Variants in NEGR1 observed in about 807,000 individuals in gnomAD.
NEGR1 encodes the protein IgLON family member 4.
Under a neutral mutation model 40.9 loss-of-function variants are expected in NEGR1, and 10 were observed. The observed-to-expected ratio is 0.24, with a 90% CI of 0.15 to 0.42. The LOEUF (loss-of-function observed/expected upper bound fraction) is 0.42, where lower values mean the gene tolerates loss of function less well. Among genes scored for constraint, NEGR1 ranks in the 10% least tolerant of loss-of-function variants. The probability of loss-of-function intolerance (pLI) is 1.00; values close to 1 mark genes in which losing one functional copy is unlikely to be tolerated. For missense variants in NEGR1, 352 were observed against 438.9 expected, an observed-to-expected ratio of 0.80 and a Z score of 1.77; for synonymous variants, 185 against 166.8, an observed-to-expected ratio of 1.11 and a Z score of -0.84.
At chr1:71,793,220 G>A (rs1174033191) in intron 2 of NEGR1, among the ~76,000 whole-genome samples, 1 of 2,962 alleles carries the variant, frequency 3.4e-4, no homozygotes. Flanking sequence ...TTGCTCTGTC[G>A]CCCAGGCTGG....
At chr1:71,554,488 A>G (rs115755187) in intron 6 of NEGR1, among the ~76,000 whole-genome samples, 3,106 of 151,536 alleles carry the variant, frequency 0.02, 54 homozygotes, top group African/African-American at 0.036. Flanking sequence ...GAATTTCTGT[A>G]TTAAGGAAGA....
chr1:71,650,172 A>T (rs1419309815), intron 4 of NEGR1, among the ~76,000 whole-genome samples: 1 of 151,980 alleles, frequency 6.6e-6, no homozygotes, highest in Non-Finnish European at 1.5e-5. Context: ...CTCCACTTAT[A>T]CTCTTAGAGG....
intron 1 of NEGR1, among the ~76,000 whole-genome samples, chr1:71,952,933 T>A (rs1358194448): frequency 6.8e-6 from 1 of 148,038 alleles, no homozygotes; most frequent in East Asian, 2.0e-4. Flanking sequence ...ATATTTTAAG[T>A]CATAGTTAAG....
chr1:72,272,779 A>AC (rs1371827572), intron 1 of NEGR1, among the ~76,000 whole-genome samples: 1 of 151,998 alleles, frequency 6.6e-6, no homozygotes. Flanking sequence ...TGTCCAAATG[A>AC]CTTAGAAAAA....
chr1:71,604,324 CAT>C (rs1297402298), intron 5 of NEGR1, among the ~76,000 whole-genome samples: 1 of 152,004 alleles, frequency 6.6e-6, no homozygotes, highest in African/African-American at 2.4e-5. Flanking sequence ...ATAATTTTGA[CAT>C]AAATAAATTG....
chr1:71,839,819 A>G (rs1342668383), intron 2 of NEGR1, among the ~76,000 whole-genome samples: 2 of 152,146 alleles, frequency 1.3e-5, no homozygotes, highest in African/African-American at 2.4e-5. Context: ...TATTCACTTC[A>G]AAGTGCTTCT....
chr1:72,171,909 T>A (rs1187195203), intron 1 of NEGR1, among the ~76,000 whole-genome samples: 1 of 152,192 alleles, frequency 6.6e-6, no homozygotes, highest in South Asian at 2.1e-4. Context: ...TAAACAGTTG[T>A]TATGTTTGGG....
chr1:71,586,602 T>G (rs1243584174), intron 6 of NEGR1, among the ~76,000 whole-genome samples: 1 of 152,162 alleles, frequency 6.6e-6, no homozygotes, highest in East Asian at 1.9e-4. Flanking sequence ...GGCAATTTGG[T>G]GACCTGGAGC....
intron 1 of NEGR1, among the ~76,000 whole-genome samples, chr1:72,018,202 A>G (rs188957057): frequency 8.5e-4 from 130 of 152,330 alleles, no homozygotes; most frequent in Admixed American, 2.4e-3. Flanking sequence ...TTTAAAAATT[A>G]TGAATGAATA....
At chr1:72,252,873 C>A (rs1225299154) in intron 1 of NEGR1, among the ~76,000 whole-genome samples, 8 of 152,028 alleles carry the variant, frequency 5.3e-5, no homozygotes, top group Non-Finnish European at 1.0e-4. Context: ...CTGAACAGGG[C>A]AAGGTGAAAT....
chr1:71,813,802 A>C (rs1658095752), intron 2 of NEGR1, among the ~76,000 whole-genome samples: 1 of 152,100 alleles, frequency 6.6e-6, no homozygotes, highest in Non-Finnish European at 1.5e-5. Context: ...AAATTTGCTG[A>C]ATTTGCTTAT....
At chr1:71,538,016 G>T (rs1206841779) in intron 6 of NEGR1, among the ~76,000 whole-genome samples, 1 of 151,690 alleles carries the variant, frequency 6.6e-6, no homozygotes, top group African/African-American at 2.4e-5. Context: ...AATGACCTTA[G>T]CAAAGGGATA....
At chr1:71,432,351 G>C (rs4650110) in intron 6 of NEGR1, among the ~76,000 whole-genome samples, 145,868 of 152,310 alleles carry the variant, frequency 0.96, 70,155 homozygotes, top group East Asian at 1. Flanking sequence ...TAATGTTTTG[G>C]TATACTTATA....
At chr1:71,542,791 C>T (rs1259021158) in intron 6 of NEGR1, among the ~76,000 whole-genome samples, 3 of 151,680 alleles carry the variant, frequency 2.0e-5, no homozygotes, top group Non-Finnish European at 4.4e-5. Flanking sequence ...CTTTGCTCCT[C>T]ATAACTCCAT....
At chr1:71,987,957 A>G (rs576615553) in intron 1 of NEGR1, among the ~76,000 whole-genome samples, 11 of 152,346 alleles carry the variant, frequency 7.2e-5, no homozygotes, top group Admixed American at 7.2e-4. Flanking sequence ...TTTAAAAAAA[A>G]TCTTAAGAAA....
chr1:71,568,460 T>A (rs977657136), intron 6 of NEGR1, among the ~76,000 whole-genome samples: 3 of 152,180 alleles, frequency 2.0e-5, no homozygotes, highest in Non-Finnish European at 4.4e-5. Context: ...CCTTGGAGGT[T>A]ATCCATGTGT....
At chr1:71,862,319 C>G (rs1659974583) in intron 2 of NEGR1, among the ~76,000 whole-genome samples, 1 of 152,068 alleles carries the variant, frequency 6.6e-6, no homozygotes, top group African/African-American at 2.4e-5. Flanking sequence ...AACACTTTTT[C>G]TTACAAAGCT....
At chr1:71,674,154 G>T (rs961128706) in intron 4 of NEGR1, among the ~76,000 whole-genome samples, 5 of 152,206 alleles carry the variant, frequency 3.3e-5, no homozygotes, top group Admixed American at 6.5e-5. Flanking sequence ...GAGTGACCTA[G>T]ATATATTCTT....
At chr1:71,770,226 A>G (rs1656268898) in intron 3 of NEGR1, among the ~76,000 whole-genome samples, 1 of 152,218 alleles carries the variant, frequency 6.6e-6, no homozygotes, top group African/African-American at 2.4e-5. Context: ...CTCTAGCCAT[A>G]GGACAACTAC....
Sources: allele counts gnomAD v4.1 joint callset (sites outside exome capture counted in the v4.1 genomes callset), GRCh38; gene constraint gnomAD v4.1.1; transcripts MANE v1.5; gene names NCBI Gene and HGNC (gene_info 2026-07-23, HGNC 2026-07-21).